RFX7: variants seen among roughly 807,000 people sequenced by gnomAD.
RFX7 encodes the protein DNA-binding protein RFX7.
A neutral mutation model predicts 111.8 loss-of-function variants in RFX7; 26 were observed. The observed-to-expected ratio is 0.23, with a 90% confidence interval of 0.17 to 0.32. The LOEUF (loss-of-function observed/expected upper bound fraction) is 0.32. Among genes scored for constraint, RFX7 ranks in the 10% least tolerant of loss-of-function variants. RFX7 has a pLI of 1.00. For synonymous variants in RFX7, 624 were observed against 624.4 expected (o/e 1.00, Z 0.01); for missense variants, 1,573 against 1,772.9 (o/e 0.89, Z 2.02).
At chr15:56,097,243 A>G (rs1244269821) in intron 9 of RFX7, among the ~76,000 whole-genome samples, 3 of 152,234 alleles carry the variant, frequency 2.0e-5, no homozygotes, top group Non-Finnish European at 4.4e-5. Context: ...AAGTCCCTTC[A>G]TCATAACCTC....
chr15:56,124,792 T>C (rs1316736043), intron 5 of RFX7, among the ~76,000 whole-genome samples: 2 of 152,252 alleles, frequency 1.3e-5, no homozygotes, highest in East Asian at 1.9e-4. Context: ...GCAAATATTT[T>C]CTCCCATTCT....
intron 2 of RFX7, among the ~76,000 whole-genome samples, chr15:56,203,604 G>A (rs1331655803): frequency 6.6e-6 from 1 of 152,048 alleles, no homozygotes; most frequent in East Asian, 1.9e-4. Flanking sequence ...CAAGATACAG[G>A]TCATAAAGAC....
At chr15:56,201,985 C>T (rs183349187) in intron 2 of RFX7, among the ~76,000 whole-genome samples, 94 of 152,178 alleles carry the variant, frequency 6.2e-4, no homozygotes, top group African/African-American at 2.2e-3. Context: ...GAGCTGAGAT[C>T]GCGTCACTGC....
At chr15:56,154,479 T>C (rs2141060825) in intron 3 of RFX7, among the ~76,000 whole-genome samples, 1 of 152,246 alleles carries the variant, frequency 6.6e-6, no homozygotes, top group South Asian at 2.1e-4. Context: ...TAACTCCGCA[T>C]ATCTACAACT....
At chr15:56,239,222 T>C (rs1321711878) in intron 2 of RFX7, among the ~76,000 whole-genome samples, 1 of 152,142 alleles carries the variant, frequency 6.6e-6, no homozygotes, top group Non-Finnish European at 1.5e-5. Flanking sequence ...AACAAGAAAT[T>C]CATTTATGTT....
chr15:56,169,818 G>A (rs532110142), intron 3 of RFX7, among the ~76,000 whole-genome samples: 1 of 150,506 alleles, frequency 6.6e-6, no homozygotes, highest in African/African-American at 2.4e-5. Context: ...CTGGGGATGA[G>A]AGTGGGGTGG....
chr15:56,095,665 T>C lies in RFX7; in HGVS notation c.2063A>G (p.Gln688Arg). The C allele has an allele frequency of 6.2e-7, 1 of 1,614,040 alleles. No individual in the cohort carries two copies. The highest frequency in any genetic ancestry group is 8.5e-7 in the Non-Finnish European group (1 of 1,179,884). ...GTCCTTCTTAACACTGCCTTGTTTC[T>C]GCCCTTCTATGGTAGCTGCTGAAAG... is the stretch of plus-strand genomic sequence containing the variant. The part of the protein sequence containing the change: ...EQLSAATIEG[Q>R]KQGSVKKDQK... Residue 688 changes from glutamine (Q) to arginine (R), a missense_variant, in exon 10 of 10, where the codon CAG (glutamine) becomes CGG (arginine). This residue lies in a region of RFX7 where 625 missense variants were observed against 632.2 expected (regional missense o/e 0.99). Coordinates refer to ENST00000559447, the MANE Select transcript of RFX7 (RefSeq NM_022841.7).
chr15:56,226,241 T>C (rs567144026), intron 2 of RFX7, among the ~76,000 whole-genome samples: 35 of 152,280 alleles, frequency 2.3e-4, no homozygotes, highest in African/African-American at 7.9e-4. Flanking sequence ...AAACACAAGC[T>C]TTAAAGGAGA....
At chr15:56,210,367 G>T (rs565422369) in intron 2 of RFX7, among the ~76,000 whole-genome samples, 4 of 152,190 alleles carry the variant, frequency 2.6e-5, no homozygotes, top group African/African-American at 9.6e-5. Flanking sequence ...CACTTGAAGA[G>T]TTCTGAAGAG....
chr15:56,167,183 C>T (rs190381655), intron 3 of RFX7, among the ~76,000 whole-genome samples: 45 of 151,966 alleles, frequency 3.0e-4, no homozygotes, highest in African/African-American at 1.1e-3. Context: ...TGGTGTGCAC[C>T]TATAGTCCCA....
In RFX7 at chr15:56,169,497, A is replaced by T. The variant is rs1001136774; in HGVS notation, c.195+9773T>A. On this transcript the variant is annotated intron_variant, in intron 3 of 9. Transcript: ENST00000559447. ...AAGCTGCCATGTGTGCTTATGTGCT[A>T]TGCACTTTATTTACACTAATTATCT... Among the ~76,000 whole-genome samples the T allele has an allele frequency of 5.3e-5, 8 of 152,300 alleles. No individual in the cohort carries two copies. The East Asian group carries it at 1.5e-3, about 29-fold the overall frequency.
upstream of RFX7, among the ~76,000 whole-genome samples, chr15:56,244,575 T>TCCCCA (rs1275058856): frequency 8.2e-6 from 1 of 122,368 alleles, no homozygotes; most frequent in Non-Finnish European, 1.7e-5. Context: ...CCCCTCCACC[T>TCCCCA]CCCCACCCCA....
chr15:56,158,973 C>A (rs2042687239), intron 3 of RFX7, among the ~76,000 whole-genome samples: 1 of 152,182 alleles, frequency 6.6e-6, no homozygotes, highest in African/African-American at 2.4e-5. Flanking sequence ...ACCCTTTGAT[C>A]AACATCTCCC....
In RFX7 at chr15:56,142,758, A is replaced by G. The variant is rs1550586; in HGVS notation, c.401+20T>C. On this transcript the variant is annotated intron_variant, in intron 5 of 9. Coordinates refer to ENST00000559447, the MANE Select transcript of RFX7 (RefSeq NM_022841.7). The stretch of plus-strand genomic sequence containing the variant: ...TACCTCTTTAATATATCAGCATGCC[A>G]TATTACACATACTACTTACTTGTAC... The G allele has an allele frequency of 0.14, 226,707 of 1,605,958 alleles. 20,213 individuals are homozygous for G. The highest frequency in any genetic ancestry group is 0.46 in the East Asian group (20,366 of 44,710).
chr15:56,122,980 A>G (rs542302001), intron 5 of RFX7, among the ~76,000 whole-genome samples: 21 of 152,136 alleles, frequency 1.4e-4, no homozygotes, highest in Middle Eastern at 3.4e-3. Context: ...CAAATACCAT[A>G]GGTCGACAAA....
intron 3 of RFX7, among the ~76,000 whole-genome samples, chr15:56,170,067 C>T (rs1302879681): frequency 1.3e-5 from 2 of 152,116 alleles, no homozygotes; most frequent in Non-Finnish European, 2.9e-5. Context: ...CTATTTTAAA[C>T]CGCAGTATGT....
chr15:56,150,227 G>A (rs62044111), intron 3 of RFX7, among the ~76,000 whole-genome samples: 58,244 of 152,014 alleles, frequency 0.38, 11,274 homozygotes, highest in East Asian at 0.41. Flanking sequence ...GCCCCAGTCA[G>A]TGGCTTATAG....
intron 5 of RFX7, among the ~76,000 whole-genome samples, chr15:56,109,029 C>CCCTCTCCCACTCCCTCTG (rs2041869638): frequency 2.0e-5 from 3 of 151,950 alleles, no homozygotes; most frequent in African/African-American, 7.2e-5. Context: ...TTCTCCCTCT[C>CCCTCTCCCACTCCCTCTG]CCTCTCCCTC....
chr15:56,142,532 ACT>A (rs1370427850), intron 5 of RFX7, among the ~76,000 whole-genome samples: 1 of 152,056 alleles, frequency 6.6e-6, no homozygotes, highest in African/African-American at 2.4e-5. Context: ...CTGTCCTTGC[ACT>A]CTCTGACCTC....
Sources: gnomAD v4.1 joint callset for allele counts (sites outside exome capture counted in the v4.1 genomes callset) on GRCh38, gnomAD v4.1.1 for gene constraint, gnomAD v4.1.1 regional missense constraint, MANE v1.5 for transcripts, NCBI Gene and HGNC (gene_info 2026-07-23, HGNC 2026-07-21) for gene names.